MAP3K21: variants seen among roughly 807,000 people sequenced by gnomAD.
MAP3K21 encodes mitogen-activated protein kinase kinase kinase MLK4.
Under a neutral mutation model 86.1 loss-of-function variants are expected in MAP3K21, and 63 were observed. That is an observed-to-expected ratio of 0.73 (90% CI 0.60 to 0.90). The LOEUF (loss-of-function observed/expected upper bound fraction) is 0.90, where lower values mean the gene tolerates loss of function less well. MAP3K21 is among the 40% of genes least tolerant of loss of function. The pLI is 0.00. For synonymous variants in MAP3K21, 558 were observed against 564.8 expected, an observed-to-expected ratio of 0.99 and a Z score of 0.17; for missense variants, 1,220 against 1,367.7, an observed-to-expected ratio of 0.89 and a Z score of 1.70.
intron 5 of MAP3K21, among the ~76,000 whole-genome samples, chr1:233,363,198 T>C (rs1294259): frequency 0.086 from 13,133 of 152,256 alleles, 656 homozygotes; most frequent in Middle Eastern, 0.16. Context: ...TATTATATAT[T>C]AGAGTGCTCG....
At chr1:233,364,205 C>CT (rs34677334) in intron 5 of MAP3K21, among the ~76,000 whole-genome samples, 103,750 of 151,850 alleles carry the variant, frequency 0.68, 35,820 homozygotes, top group East Asian at 0.99. Flanking sequence ...CTGATGTTTT[C>CT]CTTAGCTGGA....
intron 1 of MAP3K21, among the ~76,000 whole-genome samples, chr1:233,345,527 A>C (rs1418789989): frequency 6.6e-6 from 1 of 151,638 alleles, no homozygotes; most frequent in Non-Finnish European, 1.5e-5. Context: ...GTGGGAATTG[A>C]ACAATGAGAA....
intron 5 of MAP3K21, among the ~76,000 whole-genome samples, chr1:233,362,702 T>G (rs771736593): frequency 6.6e-6 from 1 of 152,072 alleles, no homozygotes; most frequent in Non-Finnish European, 1.5e-5. Context: ...GGATCTAGGA[T>G]GTCATCTGGT....
At chr1:233,364,252 G>A (rs1347803104) in intron 5 of MAP3K21, among the ~76,000 whole-genome samples, 4 of 146,108 alleles carry the variant, frequency 2.7e-5, no homozygotes, top group Admixed American at 1.3e-4. Context: ...TCTGTCTTAC[G>A]TGTCAGTCAG....
chr1:233,350,744 A>T (rs969220686), intron 2 of MAP3K21, among the ~76,000 whole-genome samples: 2 of 152,132 alleles, frequency 1.3e-5, no homozygotes, highest in Non-Finnish European at 2.9e-5. Flanking sequence ...GAGTTGTAAA[A>T]CTACTAAGAA....
At position 233,361,376 on chromosome 1, in the gene MAP3K21, C is replaced by T. The variant is rs59041083; in HGVS notation, c.1312-677C>T. The stretch of plus-strand genomic sequence containing the variant: ...TGAAGTGATAATTTCCATGTATCAG[C>T]GGGATCTGAAAAGTTCTTTGTATAC... On this transcript the variant is annotated intron_variant, in intron 4 of 9. Coordinates refer to ENST00000366624, the MANE Select transcript of MAP3K21 (RefSeq NM_032435.3). Among the ~76,000 whole-genome samples the T allele has an allele frequency of 5.9e-3, 905 of 152,236 alleles. 11 individuals carry two copies. The highest frequency in any genetic ancestry group is 0.021 in the African/African-American group (860 of 41,546).
rs960271205 is a variant in MAP3K21, at chr1:233,328,253, G to C, written c.225G>C (p.Ser75=). ...VEVLSQDAAV[S]GDEGWWAGQV... ...TGCTGTCGCAGGACGCCGCCGTGTC[G>C]GGCGACGAGGGCTGGTGGGCAGGCC... The change falls in exon 1 of 10, where the codon TCG becomes TCC. Residue 75 remains serine (S), a synonymous_variant. Coordinates refer to ENST00000366624, the MANE Select transcript of MAP3K21 (RefSeq NM_032435.3). The surrounding 1 kb of genome is among the most constrained non-coding windows in gnomAD (Gnocchi z 8.7). The C allele has an allele frequency of 4.7e-6, 7 of 1,489,544 alleles. No individual in the cohort carries two copies. The highest frequency in any genetic ancestry group is 6.2e-6 in the Non-Finnish European group (7 of 1,127,876). The allele number at this position is 1,489,544 out of a possible 1,614,324, so 92.3% of individuals were successfully genotyped here. A position where few individuals can be genotyped will look rare whatever the true frequency, so the allele number is the denominator to read the frequency against.
At chr1:233,364,925 AT>A (rs1169729408) in intron 5 of MAP3K21, among the ~76,000 whole-genome samples, 1 of 152,158 alleles carries the variant, frequency 6.6e-6, no homozygotes, top group African/African-American at 2.4e-5. Flanking sequence ...AATATTAATA[AT>A]ACTGGTACCA....
intron 8 of MAP3K21, among the ~76,000 whole-genome samples, chr1:233,376,913 C>T (rs1009872252): frequency 6.6e-6 from 1 of 152,046 alleles, no homozygotes; most frequent in South Asian, 2.1e-4. Context: ...TGAGGAAATC[C>T]AATGAAACAG....
chr1:233,372,120 G>C lies in MAP3K21; in HGVS notation c.1635G>C (p.Pro545=), dbSNP rs767923179. 5 of 1,613,976 alleles carry C rather than the reference G, an allele frequency of 3.1e-6. No homozygotes were observed. In the African/African-American group the frequency reaches 4.0e-5, roughly 13 times the overall value. ...RSLNSSSSSP[P]SSPTMMPRLR... is the part of the protein sequence containing the mutation. The stretch of plus-strand genomic sequence containing the variant: ...TGAACAGCAGCAGTTCCAGTCCCCC[G>C]AGCAGCCCCACAATGATGCCCCGAC... Residue 545 remains proline (P), a synonymous_variant, in exon 6 of 10, where the codon CCG becomes CCC. Coordinates refer to ENST00000366624, the MANE Select transcript of MAP3K21 (RefSeq NM_032435.3).
chr1:233,355,073 G>C (rs1663326331), intron 4 of MAP3K21, 62 bp downstream of exon 4: 1 of 1,239,622 alleles, frequency 8.1e-7, no homozygotes. Context: ...GAAAATATGA[G>C]GCAAGAAGCA....
At chr1:233,332,527 G>A (rs530127987) in intron 1 of MAP3K21, among the ~76,000 whole-genome samples, 1 of 152,288 alleles carries the variant, frequency 6.6e-6, no homozygotes, top group South Asian at 2.1e-4. Flanking sequence ...GTTTCACTTG[G>A]AGTGATGGTG....
rs113443644 is a variant in MAP3K21, at chr1:233,383,076, T to G, written c.*365T>G. The G allele has an allele frequency of 3.9e-3, 609 of 157,900 alleles. 3 individuals are homozygous for G. Among genetic ancestry groups the G allele is most frequent in the African/African-American group, 0.013 (535 of 41,690 alleles). 9.8% of individuals were successfully genotyped at this position (157,900 alleles called of 1,614,324 possible). ...TAATGAGCTTCACTATTTTTGTTTC[T>G]TTCCTTCCTTTTTTTTCTTTTTTCC... is the stretch of plus-strand genomic sequence containing the variant. On this transcript the variant is annotated 3_prime_UTR_variant, in exon 10 of 10. Coordinates refer to ENST00000366624, the MANE Select transcript of MAP3K21 (RefSeq NM_032435.3).
intron 4 of MAP3K21, among the ~76,000 whole-genome samples, chr1:233,358,059 G>GTT (rs528923468): frequency 3.7e-4 from 54 of 146,214 alleles, no homozygotes; most frequent in African/African-American, 1.1e-3. Flanking sequence ...TGCCTGATGG[G>GTT]TTTTTTTTTT....
In MAP3K21 at chr1:233,356,907, CTT is replaced by C. The variant is rs747113332; in HGVS notation, c.1311+1898_1311+1899del. ...TTCTGGTTGCAAACACATCTCCAAACTTTGAAATAAAGACCAAAGCCCTTCTA... is the reference window on the plus strand; with the variant it reads ...TTCTGGTTGCAAACACATCTCCAAACTGAAATAAAGACCAAAGCCCTTCTA... On this transcript the variant is annotated intron_variant, in intron 4 of 9. Transcript: ENST00000366624. Among the ~76,000 whole-genome samples the C allele has an allele frequency of 3.9e-5, 6 of 152,278 alleles. No homozygotes were observed. In the East Asian group the frequency reaches 7.7e-4, roughly 20 times the overall value.
intron 6 of MAP3K21, 162 bp from the exon 7 acceptor site, chr1:233,375,754 G>A (rs1056219536): frequency 1.8e-6 from 1 of 569,294 alleles, no homozygotes. Context: ...ATCAGAGAAA[G>A]AAACTTACCA....
At chr1:233,366,582 C>A (rs1663578636) in intron 5 of MAP3K21, among the ~76,000 whole-genome samples, 1 of 152,168 alleles carries the variant, frequency 6.6e-6, no homozygotes, top group Non-Finnish European at 1.5e-5. Context: ...CGATGCTGTC[C>A]TTTCATGGAG....
At chr1:233,333,645 A>C (rs1662854543) in intron 1 of MAP3K21, among the ~76,000 whole-genome samples, 1 of 152,134 alleles carries the variant, frequency 6.6e-6, no homozygotes, top group Non-Finnish European at 1.5e-5. Flanking sequence ...TGTGAGGGGT[A>C]TAGCTAGTTA....
rs773364552 is a variant in MAP3K21 at position 233,376,544 on chromosome 1, A to T, written c.1924+17A>T. On this transcript the variant is annotated intron_variant, in intron 8 of 9. Transcript: ENST00000366624. ...ACCAGCCAGGTAAATGTGTTTCAGG[A>T]GGTAGGATTTGCTTGAGCAGTCCTT... The T allele has an allele frequency of 1.6e-5, 25 of 1,581,224 alleles. No individual in the cohort carries two copies. The East Asian group carries it at 5.4e-4, about 34-fold the overall frequency.
Sources: allele counts gnomAD v4.1 joint callset (sites outside exome capture counted in the v4.1 genomes callset), GRCh38; gene constraint gnomAD v4.1.1; non-coding constraint Gnocchi (gnomAD v3.1); transcripts MANE v1.5; gene names NCBI Gene and HGNC (gene_info 2026-07-23, HGNC 2026-07-21).